ADAM32: variants seen among roughly 807,000 people sequenced by gnomAD.
The protein encoded by ADAM32 is ADAM metallopeptidase domain 32.
A neutral mutation model predicts 114.9 loss-of-function variants in ADAM32; 89 were observed. The ratio of observed to expected loss-of-function variants is 0.77; its 90% confidence interval spans 0.65 to 0.92. ADAM32 has a LOEUF of 0.92. Ranked by LOEUF, ADAM32 falls within the 40% of genes least tolerant of loss-of-function variation. ADAM32 has a pLI of 0.00. For missense variants in ADAM32, 870 were observed against 932.8 expected, an observed-to-expected ratio of 0.93 and a Z score of 0.88; for synonymous variants, 285 against 307.5, an observed-to-expected ratio of 0.93 and a Z score of 0.77.
chr8:39,216,407 A>G (rs1427715324), intron 12 of ADAM32, among the ~76,000 whole-genome samples: 1 of 151,948 alleles, frequency 6.6e-6, no homozygotes, highest in Non-Finnish European at 1.5e-5. Flanking sequence ...ATTCCATGTT[A>G]TTATTGATAA....
At chr8:39,151,152 T>C (rs1803800648) in intron 5 of ADAM32, among the ~76,000 whole-genome samples, 1 of 152,232 alleles carries the variant, frequency 6.6e-6, no homozygotes, top group Non-Finnish European at 1.5e-5. Flanking sequence ...ACCTAGCAAT[T>C]GATTAAGTGA....
chr8:39,268,642 G>T (rs1265190683), intron 19 of ADAM32, among the ~76,000 whole-genome samples: 1 of 151,934 alleles, frequency 6.6e-6, no homozygotes, highest in Non-Finnish European at 1.5e-5. Flanking sequence ...TCATAATTTT[G>T]GTGCTGTAGC....
At chr8:39,230,704 A>G (rs1809682619) in intron 14 of ADAM32, among the ~76,000 whole-genome samples, 1 of 152,182 alleles carries the variant, frequency 6.6e-6, no homozygotes, top group African/African-American at 2.4e-5. Flanking sequence ...GGAAAGGGAT[A>G]AGATGAGGGG....
At chr8:39,165,444 G>C (rs1034567201) in intron 9 of ADAM32, 1 of 292,798 alleles carries the variant, frequency 3.4e-6, no homozygotes, top group Non-Finnish European at 6.2e-6. Context: ...AGCCATCTCA[G>C]GACTCTTGGA....
intron 2 of ADAM32, among the ~76,000 whole-genome samples, chr8:39,122,823 C>T (rs1801857603): frequency 1.3e-5 from 2 of 152,226 alleles, no homozygotes; most frequent in African/African-American, 4.8e-5. Flanking sequence ...CCTACCTTGG[C>T]CTCCCAAAGT....
intron 7 of ADAM32, among the ~76,000 whole-genome samples, chr8:39,164,033 T>C (rs1354244700): frequency 3.3e-5 from 5 of 152,208 alleles, no homozygotes; most frequent in Admixed American, 6.5e-5. Flanking sequence ...TGTACAGTTT[T>C]ATGCAATGGT....
At chr8:39,188,748 C>T (rs1419408495) in intron 11 of ADAM32, among the ~76,000 whole-genome samples, 1 of 152,080 alleles carries the variant, frequency 6.6e-6, no homozygotes, top group East Asian at 1.9e-4. Flanking sequence ...ATTAGTAAAC[C>T]TTTAAGTTCA....
chr8:39,132,479 A>C (rs2129444865), intron 2 of ADAM32, among the ~76,000 whole-genome samples: 1 of 152,330 alleles, frequency 6.6e-6, no homozygotes. Context: ...TCACATTATT[A>C]CATCCATATT....
At chr8:39,218,082 C>G (rs1808713311) in intron 12 of ADAM32, among the ~76,000 whole-genome samples, 1 of 151,266 alleles carries the variant, frequency 6.6e-6, no homozygotes, top group African/African-American at 2.4e-5. Flanking sequence ...AGGGGTCACC[C>G]CAACCTCAGT....
chr8:39,107,681 G>A (rs1208309034), upstream of ADAM32: 2 of 1,540,038 alleles, frequency 1.3e-6, no homozygotes, highest in East Asian at 2.5e-5. Flanking sequence ...TCCCATGAAC[G>A]TGCGGGGAGC....
chr8:39,137,124 G>A (rs948772696), intron 3 of ADAM32, among the ~76,000 whole-genome samples: 4 of 152,154 alleles, frequency 2.6e-5, no homozygotes, highest in African/African-American at 7.2e-5. Flanking sequence ...CAGAGCTGGC[G>A]AATAGTTTAT....
At chr8:39,158,110 G>T (rs1322897996) in intron 6 of ADAM32, 1 of 222,220 alleles carries the variant, frequency 4.5e-6, no homozygotes, top group South Asian at 7.7e-5. Context: ...TTGCTTCACA[G>T]GTACCTGGTC....
intron 10 of ADAM32, among the ~76,000 whole-genome samples, chr8:39,179,317 C>T (rs1243309821): frequency 3.3e-5 from 5 of 152,206 alleles, no homozygotes; most frequent in African/African-American, 9.7e-5. Context: ...CAGTCTCCAG[C>T]CTGCTGCTAC....
chr8:39,137,077 T>A (rs1802848453), intron 3 of ADAM32, among the ~76,000 whole-genome samples: 1 of 152,194 alleles, frequency 6.6e-6, no homozygotes, highest in Admixed American at 6.5e-5. Flanking sequence ...CCATGAGTAA[T>A]ATGGGACAGG....
intron 22 of ADAM32, 91 bp downstream of exon 22, chr8:39,275,957 T>C (rs564593937): frequency 6.4e-6 from 8 of 1,251,180 alleles, no homozygotes; most frequent in Non-Finnish European, 8.9e-6. Flanking sequence ...ACTTGCTAAC[T>C]ATTAACTGAG....
chr8:39,233,629 T>C (rs1449722449), intron 15 of ADAM32, among the ~76,000 whole-genome samples: 1 of 152,138 alleles, frequency 6.6e-6, no homozygotes, highest in Non-Finnish European at 1.5e-5. Flanking sequence ...TGCAGCCCAG[T>C]AGGTCTTAGC....
chr8:39,271,565 G>A (rs529099348), intron 20 of ADAM32, among the ~76,000 whole-genome samples: 20 of 149,532 alleles, frequency 1.3e-4, no homozygotes, highest in South Asian at 4.2e-4. Flanking sequence ...CTTAGGATCC[G>A]CATAGAAGTT....
rs1461274897 is a variant in ADAM32, at chr8:39,232,127, T to C, written c.1626T>C (p.Cys542=). The part of the protein sequence containing the change: ...GRDRNNKYVF[C]GWRNLICGRL... ...ATAGAAATAACAAATATGTGTTCTG[T>C]GGATGGAGGTATGCTCTACAAATAT... The change falls in exon 15 of 25, where the codon TGT becomes TGC. Residue 542 remains cysteine, a synonymous_variant. Transcript: ENST00000379907. The C allele has an allele frequency of 5.7e-6, 9 of 1,592,532 alleles. No individual in the cohort carries two copies. The highest frequency in any genetic ancestry group is 7.7e-6 in the Non-Finnish European group (9 of 1,163,404).
chr8:39,141,813 G>T (rs1369090720), intron 3 of ADAM32, among the ~76,000 whole-genome samples: 3 of 152,090 alleles, frequency 2.0e-5, no homozygotes, highest in Non-Finnish European at 4.4e-5. Flanking sequence ...CATTATTATT[G>T]TGTGGGAGTC....
Sources: gnomAD v4.1 joint callset for allele counts (sites outside exome capture counted in the v4.1 genomes callset) on GRCh38, gnomAD v4.1.1 for gene constraint, MANE v1.5 for transcripts, NCBI Gene and HGNC (gene_info 2026-07-23, HGNC 2026-07-21) for gene names.